The following RNF213 variants were observed in gnomAD, a reference collection of about 807,000 sequenced individuals.
The protein encoded by RNF213 is ring finger protein 213.
Under a neutral mutation model 514.4 loss-of-function variants are expected in RNF213, and 341 were observed. The observed-to-expected ratio is 0.66, with a 90% CI of 0.61 to 0.73. The LOEUF (loss-of-function observed/expected upper bound fraction) is 0.73, where lower values mean the gene tolerates loss of function less well. Ranked by LOEUF, RNF213 falls within the 30% of genes least tolerant of loss-of-function variation. RNF213 has a pLI of 0.00. For synonymous variants in RNF213, 2,655 were observed against 2,658.2 expected (o/e 1.00, Z 0.04); for missense variants, 5,767 against 6,615.6 (o/e 0.87, Z 4.45).
chr17:80,335,123 G>A (rs1437552957), intron 22 of RNF213, among the ~76,000 whole-genome samples: 9 of 151,658 alleles, frequency 5.9e-5, no homozygotes, highest in South Asian at 2.1e-4. Flanking sequence ...GGGTTTCACC[G>A]TGTTGGCCAG....
chr17:80,364,789 G>A, intron 42 of RNF213: 1 of 518,612 alleles, frequency 1.9e-6, no homozygotes. Flanking sequence ...AGTGATTCCA[G>A]GAACTGTGTG....
chr17:80,288,376 G>A lies in RNF213; in HGVS notation c.810+13G>A. On this transcript the variant is annotated intron_variant, in intron 4 of 67. Transcript: ENST00000582970. This position sits in a 1 kb window ranked among gnomAD's most constrained non-coding sequence, Gnocchi z 4.9. Reference sequence around the variant, plus strand: ...CTCAGCCTCTATGGTGAGTCATCCGGGAGAGATGGCCTGGGAGTGGCACTG... The same window carrying A: ...CTCAGCCTCTATGGTGAGTCATCCGAGAGAGATGGCCTGGGAGTGGCACTG... 2 of 1,611,472 alleles carry A rather than the reference G, an allele frequency of 1.2e-6. No homozygotes were observed. Among genetic ancestry groups the A allele is most frequent in the Non-Finnish European group, 1.7e-6 (2 of 1,179,920 alleles).
In RNF213 at chr17:80,346,070, G is replaced by A. The variant is rs2078300421; in HGVS notation, c.7735G>A (p.Val2579Met). The change falls in exon 29 of 68, where the codon GTG (valine) becomes ATG (methionine). Residue 2579 changes from valine to methionine, a missense_variant. Val to Met is a conservative substitution (Grantham distance 21, BLOSUM62 1). This residue lies in a region of RNF213 where 1,377 missense variants were observed against 1,635.2 expected (regional missense o/e 0.84). Coordinates refer to ENST00000582970, the MANE Select transcript of RNF213 (RefSeq NM_001256071.3). The surrounding 1 kb of genome is among the most constrained non-coding windows in gnomAD (Gnocchi z 8.1). ...TCTGCCCCCGAGCCTGATTCCTCTG[G>A]TGTGGGACTTTGGACAACTGAGTGA... ...HALPPSLIPLVWDFGQLSDVA... is the reference protein window; with the variant it reads ...HALPPSLIPLMWDFGQLSDVA... 1 of 1,614,152 alleles carries A rather than the reference G, an allele frequency of 6.2e-7. No individual in the cohort carries two copies. Among genetic ancestry groups the A allele is most frequent in the Non-Finnish European group, 8.5e-7 (1 of 1,180,034 alleles).
At position 80,368,556 on chromosome 17, in the gene RNF213, C is replaced by T. The variant is rs575017683; in HGVS notation, c.12155+413C>T. ...CAGGCAATTCTCCTGCCTCAGCCTC[C>T]CAAGTAGCTGGGATTACAGGCATGC... On this transcript the variant is annotated intron_variant, in intron 44 of 67. Coordinates refer to ENST00000582970, the MANE Select transcript of RNF213 (RefSeq NM_001256071.3). 9.5e-4 allele frequency among the ~76,000 whole-genome samples: 144 copies of T among 152,150 alleles called. 5 individuals carry two copies. In the South Asian group the frequency reaches 0.029, roughly 30 times the overall value.
intron 65 of RNF213, among the ~76,000 whole-genome samples, 154 bp from the exon 66 acceptor site, chr17:80,389,674 C>T (rs116366411): frequency 2.0e-5 from 3 of 152,280 alleles, no homozygotes; most frequent in African/African-American, 7.2e-5. Flanking sequence ...GTAGATAGGA[C>T]AGAGATGGCC....
intron 16 of RNF213, among the ~76,000 whole-genome samples, chr17:80,318,596 CG>C (rs1320794571): frequency 2.0e-5 from 3 of 150,954 alleles, no homozygotes; most frequent in African/African-American, 7.3e-5. Flanking sequence ...TTTTTTGAGA[CG>C]GGGTCTCGCT....
At chr17:80,287,693 T>G in intron 3 of RNF213, 122 bp from the exon 4 acceptor site, 1 of 910,826 alleles carries the variant, frequency 1.1e-6, no homozygotes, top group Non-Finnish European at 1.8e-6. Context: ...TTAACAGATG[T>G]TAGGTACTTT....
rs146850239 is a variant in RNF213, at chr17:80,302,133, A to G, written c.2210+3615A>G. Among the ~76,000 whole-genome samples, 484 of 152,274 alleles carry G rather than the reference A, an allele frequency of 3.2e-3. 1 individual carries two copies. The highest frequency in any genetic ancestry group is 0.011 in the African/African-American group (453 of 41,566). ...TAGTAGTTACGAGAGGCGAGGAAGG[A>G]TGGGGAGAGGGCTAGCCAAAGGTTG... is the stretch of plus-strand genomic sequence containing the variant. On this transcript the variant is annotated intron_variant, in intron 11 of 67. Coordinates refer to ENST00000582970, the MANE Select transcript of RNF213 (RefSeq NM_001256071.3).
At chr17:80,266,109 T>C (rs1240048513) in intron 2 of RNF213, among the ~76,000 whole-genome samples, 2 of 152,054 alleles carry the variant, frequency 1.3e-5, no homozygotes, top group African/African-American at 4.8e-5. Flanking sequence ...TAGGAAGGCC[T>C]CTGAGTCTTT....
intron 47 of RNF213, 36 bp from the exon 48 acceptor site, chr17:80,372,485 A>G (rs2079554207): frequency 2.6e-6 from 4 of 1,525,010 alleles, no homozygotes; most frequent in Middle Eastern, 3.4e-4. Context: ...GTTTAAAAAA[A>G]TAATATCCTT....
chr17:80,306,905 TCTTC>T (rs1335953320), intron 12 of RNF213, among the ~76,000 whole-genome samples: 1 of 152,094 alleles, frequency 6.6e-6, no homozygotes, highest in African/African-American at 2.4e-5. Flanking sequence ...TAGCTGCCAT[TCTTC>T]CTTTCACATT....
chr17:80,267,192 G>A (rs2043635746), intron 2 of RNF213, among the ~76,000 whole-genome samples: 1 of 151,664 alleles, frequency 6.6e-6, no homozygotes, highest in African/African-American at 2.4e-5. Context: ...ACTCCAGCCT[G>A]GGTGACAACA....
chr17:80,290,332 T>C (rs117214360), intron 6 of RNF213, among the ~76,000 whole-genome samples: 6,608 of 152,068 alleles, frequency 0.043, 225 homozygotes, highest in East Asian at 0.15. Context: ...CACGTGTGTG[T>C]GCGCACGTGT....
rs28391226 is a variant in RNF213 at position 80,396,710 on chromosome 17, G to A, written c.*3212G>A. ...CCCGTTTCCAGCTGGAAAAACAAGCGCCAGGAAAGTGCATTTCCCCCCCAC... is the reference window on the plus strand; with the variant it reads ...CCCGTTTCCAGCTGGAAAAACAAGCACCAGGAAAGTGCATTTCCCCCCCAC... On this transcript the variant is annotated 3_prime_UTR_variant, in exon 68 of 68. Coordinates refer to ENST00000582970, the MANE Select transcript of RNF213 (RefSeq NM_001256071.3). 0.065 allele frequency: 8,306 copies of A among 127,910 alleles called. 1,033 individuals are homozygous for A. Among genetic ancestry groups the A allele is most frequent in the African/African-American group, 0.23 (7,898 of 34,308 alleles). The allele number at this position is 127,910 out of a possible 1,614,324, so 7.9% of individuals were successfully genotyped here.
chr17:80,358,571 CCCTCA>C, intron 37 of RNF213, 92 bp downstream of exon 37: 1 of 1,208,318 alleles, frequency 8.3e-7, no homozygotes, highest in African/African-American at 1.5e-5. Flanking sequence ...TGAAACGCAG[CCCTCA>C]ACTTCAGAGC....
chr17:80,313,243 C>A, intron 15 of RNF213, 76 bp downstream of exon 15: 1 of 1,579,496 alleles, frequency 6.3e-7, no homozygotes, highest in Non-Finnish European at 8.7e-7. Flanking sequence ...TCATGGGGTA[C>A]AGGCTGCTGG....
chr17:80,307,025 G>GTA, intron 12 of RNF213, 103 bp from the exon 13 acceptor site: 1 of 1,090,784 alleles, frequency 9.2e-7, no homozygotes, highest in Admixed American at 1.7e-5. Context: ...AGAAAACAAT[G>GTA]TATACCATAT....
intron 67 of RNF213, 37 bp from the exon 68 acceptor site, chr17:80,393,308 G>T: frequency 6.2e-7 from 1 of 1,606,432 alleles, no homozygotes; most frequent in South Asian, 1.1e-5. Context: ...CCATGCTGAG[G>T]AGACTGTTTT....
At chr17:80,305,810 C>G (rs1160543445) in intron 11 of RNF213, among the ~76,000 whole-genome samples, 3 of 151,558 alleles carry the variant, frequency 2.0e-5, no homozygotes, top group Non-Finnish European at 4.4e-5. Flanking sequence ...AGTAGAGACG[C>G]AGTTTCACCG....
Sources: gnomAD v4.1 joint callset for allele counts (sites outside exome capture counted in the v4.1 genomes callset) on GRCh38, gnomAD v4.1.1 for gene constraint, gnomAD v4.1.1 regional missense constraint, Gnocchi (gnomAD v3.1) non-coding constraint, MANE v1.5 for transcripts, NCBI Gene and HGNC (gene_info 2026-07-23, HGNC 2026-07-21) for gene names.